PRKCA: variants seen among roughly 807,000 people sequenced by gnomAD.
PRKCA encodes protein kinase C alpha.
A neutral mutation model predicts 87.0 loss-of-function variants in PRKCA; 27 were observed. That is an observed-to-expected ratio of 0.31 (90% CI 0.23 to 0.43). PRKCA has a LOEUF of 0.43. Ranked by LOEUF, PRKCA falls within the 20% of genes least tolerant of loss-of-function variation. The pLI is 1.00. For missense variants in PRKCA, 518 were observed against 852.3 expected (o/e 0.61, Z 4.88); for synonymous variants, 329 against 311.1 (o/e 1.06, Z -0.61).
chr17:66,785,881 T>C (rs907976840), intron 14 of PRKCA, among the ~76,000 whole-genome samples: 2 of 152,208 alleles, frequency 1.3e-5, no homozygotes, highest in African/African-American at 4.8e-5. Context: ...CAGGCTGGAG[T>C]GCAGTGGTGC....
intron 3 of PRKCA, among the ~76,000 whole-genome samples, chr17:66,540,520 G>A (rs1967949956): frequency 6.6e-6 from 1 of 152,204 alleles, no homozygotes; most frequent in African/African-American, 2.4e-5. Flanking sequence ...TTGGGTGGCG[G>A]GCTGCCGTGC....
intron 3 of PRKCA, among the ~76,000 whole-genome samples, chr17:66,568,065 A>G (rs539146934): frequency 6.6e-6 from 1 of 152,356 alleles, no homozygotes; most frequent in African/African-American, 2.4e-5. Context: ...CTGTAATCCC[A>G]GAACTTTGGG....
intron 2 of PRKCA, among the ~76,000 whole-genome samples, chr17:66,484,307 A>G (rs997769045): frequency 3.3e-5 from 5 of 152,034 alleles, no homozygotes; most frequent in Non-Finnish European, 5.9e-5. Context: ...TCACAGTTCA[A>G]CCCCTAAGAG....
At chr17:66,334,887 A>G (rs948584067) in intron 2 of PRKCA, among the ~76,000 whole-genome samples, 1 of 152,222 alleles carries the variant, frequency 6.6e-6, no homozygotes, top group African/African-American at 2.4e-5. Flanking sequence ...TAAACAAAGT[A>G]TGGGAACACA....
chr17:66,656,084 G>C (rs1253157228), intron 5 of PRKCA, among the ~76,000 whole-genome samples: 2 of 152,058 alleles, frequency 1.3e-5, no homozygotes, highest in African/African-American at 4.8e-5. Context: ...TTTCACTCTG[G>C]GTGCTTAGTC....
intron 2 of PRKCA, among the ~76,000 whole-genome samples, chr17:66,458,826 A>G (rs983637361): frequency 2.0e-5 from 3 of 152,160 alleles, no homozygotes; most frequent in South Asian, 2.1e-4. Context: ...TATTCCTTAC[A>G]CATTTGGTTA....
At chr17:66,402,093 C>T (rs750043335) in intron 2 of PRKCA, among the ~76,000 whole-genome samples, 14 of 152,096 alleles carry the variant, frequency 9.2e-5, no homozygotes, top group African/African-American at 2.4e-5. Flanking sequence ...AAGAGGGAGT[C>T]GTGTCTCAGG....
intron 3 of PRKCA, among the ~76,000 whole-genome samples, chr17:66,570,134 C>A (rs1227712513): frequency 6.6e-6 from 1 of 152,156 alleles, no homozygotes; most frequent in Admixed American, 6.5e-5. Context: ...AGAACCCAGG[C>A]ACAGAATTGT....
In PRKCA at chr17:66,725,795, G is replaced by A. The variant is rs559678014; in HGVS notation, c.919-6893G>A. ...ACTGCACTCCAGCCTGGGCGACAGA[G>A]TGAGACCCTGTCTAGAAAAAAAAAA... On this transcript the variant is annotated intron_variant, in intron 8 of 16. Transcript: ENST00000413366. Among the ~76,000 whole-genome samples the A allele has an allele frequency of 6.8e-5, 10 of 146,142 alleles. No homozygotes were observed. The South Asian group carries it at 2.3e-3, about 34-fold the overall frequency.
chr17:66,610,388 A>G (rs1970324706), intron 3 of PRKCA, among the ~76,000 whole-genome samples: 1 of 152,108 alleles, frequency 6.6e-6, no homozygotes, highest in African/African-American at 2.4e-5. Flanking sequence ...ATGACTGATG[A>G]TTCACTCCAT....
At chr17:66,366,892 T>G (rs1052174422) in intron 2 of PRKCA, among the ~76,000 whole-genome samples, 1 of 152,136 alleles carries the variant, frequency 6.6e-6, no homozygotes, top group Non-Finnish European at 1.5e-5. Context: ...GTGAGCAAAT[T>G]TTAAATTAAA....
chr17:66,408,736 G>A (rs1911567486), intron 2 of PRKCA, among the ~76,000 whole-genome samples: 1 of 152,064 alleles, frequency 6.6e-6, no homozygotes, highest in South Asian at 2.1e-4. Context: ...TTGATGTGTG[G>A]GAAGTATAGC....
chr17:66,566,028 A>C (rs2143348067), intron 3 of PRKCA, among the ~76,000 whole-genome samples: 1 of 152,194 alleles, frequency 6.6e-6, no homozygotes, highest in South Asian at 2.1e-4. Flanking sequence ...TGAGCCCTGA[A>C]GATGTTGGGG....
At chr17:66,403,661 T>C (rs1911170783) in intron 2 of PRKCA, 1 of 152,156 alleles carries the variant, frequency 6.6e-6, no homozygotes, top group Non-Finnish European at 1.5e-5. Flanking sequence ...ATATCTTTAT[T>C]AATAGTCTTG....
intron 8 of PRKCA, among the ~76,000 whole-genome samples, chr17:66,725,395 A>T (rs1973720045): frequency 6.6e-6 from 1 of 152,162 alleles, no homozygotes; most frequent in South Asian, 2.1e-4. Flanking sequence ...TGAGAGAGAG[A>T]ACTCTGAGTT....
In PRKCA at chr17:66,537,016, A is replaced by C. The variant is rs537646814; in HGVS notation, c.288+40733A>C. Among the ~76,000 whole-genome samples, 14 of 151,548 alleles carry C rather than the reference A, an allele frequency of 9.2e-5. No homozygotes were observed. The South Asian group carries it at 2.9e-3, about 32-fold the overall frequency. The stretch of plus-strand genomic sequence containing the variant: ...GATCACCCCAGTTATTAGAACCTCT[A>C]TTTCAGTAATTCACTCTCTGGGCTC... On this transcript the variant is annotated intron_variant, in intron 3 of 16. Coordinates refer to ENST00000413366, the MANE Select transcript of PRKCA (RefSeq NM_002737.3).
chr17:66,451,607 A>G (rs928569421), intron 2 of PRKCA, among the ~76,000 whole-genome samples: 5 of 152,104 alleles, frequency 3.3e-5, no homozygotes, highest in Admixed American at 3.3e-4. Context: ...TTGGAGGAGT[A>G]GTTGTACTTT....
At chr17:66,608,146 T>C (rs960421254) in intron 3 of PRKCA, among the ~76,000 whole-genome samples, 2 of 151,592 alleles carry the variant, frequency 1.3e-5, no homozygotes, top group Non-Finnish European at 2.9e-5. Flanking sequence ...AGCACACCGA[T>C]TGGAGCACAC....
In PRKCA at chr17:66,688,497, T is replaced by A. The variant is rs975332992; in HGVS notation, c.821+61T>A. On this transcript the variant is annotated intron_variant, in intron 7 of 16. Coordinates refer to ENST00000413366, the MANE Select transcript of PRKCA (RefSeq NM_002737.3). ...CATCAGACCATTTAGACAGTTAGGT[T>A]TCAGTCTCTCAAATGTCAGTTGAGG... 1.9e-5 allele frequency: 31 copies of A among 1,598,166 alleles called. No homozygotes were observed. The East Asian group carries it at 6.9e-4, about 36-fold the overall frequency.
Sources: gnomAD v4.1 joint callset for allele counts (sites outside exome capture counted in the v4.1 genomes callset) on GRCh38, gnomAD v4.1.1 for gene constraint, MANE v1.5 for transcripts, NCBI Gene and HGNC (gene_info 2026-07-23, HGNC 2026-07-21) for gene names.